The following AGAP3 variants were observed in gnomAD, a reference collection of about 807,000 sequenced individuals.
AGAP3 encodes arf-GAP with GTPase, ANK repeat and PH domain-containing protein 3.
AGAP3 carries 24 observed loss-of-function variants against 96.9 expected under a neutral mutation model. The ratio of observed to expected loss-of-function variants is 0.25; its 90% confidence interval spans 0.18 to 0.35. The LOEUF is 0.35. Ranked by LOEUF, AGAP3 falls within the 10% of genes least tolerant of loss-of-function variation. AGAP3 has a pLI of 1.00. For synonymous variants in AGAP3, 563 were observed against 536.1 expected, an observed-to-expected ratio of 1.05 and a Z score of -0.69; for missense variants, 876 against 1,254.2, an observed-to-expected ratio of 0.70 and a Z score of 4.55.
chr7:151,115,731 G>T, intron 1 of AGAP3: 1 of 845,786 alleles, frequency 1.2e-6, no homozygotes, highest in Non-Finnish European at 1.5e-6. Flanking sequence ...TGCCGCGCGC[G>T]TCCGGGGCTG....
intron 11 of AGAP3, among the ~76,000 whole-genome samples, chr7:151,136,852 C>T (rs1233899921): frequency 6.6e-6 from 1 of 152,156 alleles, no homozygotes; most frequent in African/African-American, 2.4e-5. Flanking sequence ...ACCAAGTGTG[C>T]ACCCCGGAAG....
At position 151,093,843 on chromosome 7, in the gene AGAP3, G is replaced by A. The variant is rs138207010; in HGVS notation, c.331+6771G>A. On this transcript the variant is annotated intron_variant, in intron 1 of 17. Coordinates refer to ENST00000397238, the MANE Select transcript of AGAP3 (RefSeq NM_031946.7). ...GCTGGGGCAAGTCTGCTCTGGGTGC[G>A]TCTTCTGAGAGTCACATTCTGGTTG... 3.3e-5 allele frequency among the ~76,000 whole-genome samples: 5 copies of A among 152,310 alleles called. No homozygotes were observed. In the South Asian group the frequency reaches 6.2e-4, roughly 19 times the overall value.
In AGAP3 at chr7:151,142,235, A is replaced by G. The variant is rs373275191; in HGVS notation, c.2032A>G (p.Ile678Val). The G allele has an allele frequency of 4.3e-6, 7 of 1,613,126 alleles. No individual in the cohort carries two copies. The African/African-American group carries it at 5.3e-5, about 12-fold the overall frequency. Residue 678 changes from isoleucine to valine, a missense_variant, in exon 15 of 18, where the codon ATC becomes GTC. Ile to Val is a conservative substitution (Grantham distance 29). Coordinates refer to ENST00000397238, the MANE Select transcript of AGAP3 (RefSeq NM_031946.7). The surrounding 1 kb of genome is among the most constrained non-coding windows in gnomAD (Gnocchi z 7.5). ...VRTVRGNSFCIDCDAPNPDWA... is the reference protein window; with the variant it reads ...VRTVRGNSFCVDCDAPNPDWA... ...CACCGTCCGCGGCAACAGCTTTTGT[A>G]TCGACTGCGATGCACCCAGTGAGTG...
rs192598046 is a variant in AGAP3, at chr7:151,102,941, G to T, written c.332-13852G>T. 1.3e-3 allele frequency among the ~76,000 whole-genome samples: 194 copies of T among 152,356 alleles called. 1 individual carries two copies. The highest frequency in any genetic ancestry group is 2.2e-3 in the Non-Finnish European group (149 of 68,038). ...CAAAAAATTTTTAAAAATTAGCCAG[G>T]TGTGGTGTTACACACCTGTAGTCTC... On this transcript the variant is annotated intron_variant, in intron 1 of 17. Coordinates refer to ENST00000397238, the MANE Select transcript of AGAP3 (RefSeq NM_031946.7).
At chr7:151,106,929 T>A (rs1339428019) in intron 1 of AGAP3, among the ~76,000 whole-genome samples, 1 of 152,228 alleles carries the variant, frequency 6.6e-6, no homozygotes, top group East Asian at 1.9e-4. Flanking sequence ...ACCTGCACTT[T>A]CAGCAGCTGT....
intron 1 of AGAP3, among the ~76,000 whole-genome samples, chr7:151,097,412 A>G (rs1798649194): frequency 6.6e-6 from 1 of 151,422 alleles, no homozygotes; most frequent in Non-Finnish European, 1.5e-5. Flanking sequence ...GGCACCTGTA[A>G]TTCCAGATAC....
intron 10 of AGAP3, among the ~76,000 whole-genome samples, chr7:151,130,917 A>C (rs1320576665): frequency 6.6e-6 from 1 of 152,186 alleles, no homozygotes; most frequent in Non-Finnish European, 1.5e-5. Context: ...TTCAGTTGCC[A>C]GCAATGAGCA....
In AGAP3 at chr7:151,120,055, C is replaced by T; in HGVS notation, c.1038C>T (p.Ser346=). The T allele has an allele frequency of 1.2e-6, 2 of 1,614,014 alleles. No individual in the cohort carries two copies. The highest frequency in any genetic ancestry group is 1.7e-6 in the Non-Finnish European group (2 of 1,179,932). ...SSSVPSTPSI[S]QRELRIETIA... ...CAGTCCCCTCCACCCCCAGCATCAG[C>T]CAGCGGGAGCTGCGCATCGAGACCA... Residue 346 remains serine (S), a synonymous_variant, in exon 8 of 18, where the codon AGC becomes AGT. Transcript: ENST00000397238.
At chr7:151,091,603 G>A (rs1798402501) in intron 1 of AGAP3, among the ~76,000 whole-genome samples, 1 of 152,178 alleles carries the variant, frequency 6.6e-6, no homozygotes, top group African/African-American at 2.4e-5. Flanking sequence ...AGGAGACCTA[G>A]ATTTTCAGAA....
intron 2 of AGAP3, 22 bp from the exon 3 acceptor site, chr7:151,117,073 C>A (rs1252468038): frequency 6.2e-7 from 1 of 1,610,756 alleles, no homozygotes; most frequent in South Asian, 1.1e-5. Context: ...CTCTGACCCA[C>A]TCACCCCTTC....
At chr7:151,125,764 A>G (rs1800131773) in intron 9 of AGAP3, among the ~76,000 whole-genome samples, 1 of 152,106 alleles carries the variant, frequency 6.6e-6, no homozygotes, top group Non-Finnish European at 1.5e-5. Flanking sequence ...TCCTGCTGGG[A>G]GTGGAGATTG....
At chr7:151,138,380 G>A (rs1249785022) in intron 12 of AGAP3, 67 bp downstream of exon 12, 1 of 1,501,932 alleles carries the variant, frequency 6.7e-7, no homozygotes, top group African/African-American at 1.4e-5. Flanking sequence ...GGGGAACTGG[G>A]CAGCATTCTT....
In AGAP3 at chr7:151,140,283, C is replaced by A; in HGVS notation, c.1804+167C>A. 1.3e-6 allele frequency: 1 copy of A among 765,110 alleles called. No homozygotes were observed. Among genetic ancestry groups the A allele is most frequent in the Non-Finnish European group, 1.8e-6 (1 of 556,232 alleles). The allele number at this position is 765,110 out of a possible 1,614,324, so 47.4% of individuals were successfully genotyped here. Reference sequence around the variant, plus strand: ...TACAGCTTCTTTTGGTAATCTAGACCTGGTATCTTAGAAAAGTTCTTCTGA... The same window carrying A: ...TACAGCTTCTTTTGGTAATCTAGACATGGTATCTTAGAAAAGTTCTTCTGA... On this transcript the variant is annotated intron_variant, in intron 13 of 17. Coordinates refer to ENST00000397238, the MANE Select transcript of AGAP3 (RefSeq NM_031946.7). This position sits in a 1 kb window ranked among gnomAD's most constrained non-coding sequence, Gnocchi z 5.4.
intron 9 of AGAP3, among the ~76,000 whole-genome samples, chr7:151,124,140 C>T (rs1054107261): frequency 6.6e-6 from 1 of 152,218 alleles, no homozygotes; most frequent in African/African-American, 2.4e-5. Context: ...AGCTACCTGC[C>T]GTGTTCAGCC....
rs1477971855 is a variant in AGAP3, at chr7:151,114,492, G to A, written c.332-2301G>A. ...TGGGCTGGAATTTCCTGTTTTCGAGGGCTCCCAGGGGCTGCCCCAGCAGGC... is the reference window on the plus strand; with the variant it reads ...TGGGCTGGAATTTCCTGTTTTCGAGAGCTCCCAGGGGCTGCCCCAGCAGGC... On this transcript the variant is annotated intron_variant, in intron 1 of 17. Transcript: ENST00000397238. The surrounding 1 kb of genome is among the most constrained non-coding windows in gnomAD (Gnocchi z 4.4). Among the ~76,000 whole-genome samples the A allele has an allele frequency of 6.6e-6, 1 of 152,202 alleles. No individual in the cohort carries two copies. The highest frequency in any genetic ancestry group is 6.5e-5 in the Admixed American group (1 of 15,290).
At position 151,113,541 on chromosome 7, in the gene AGAP3, A is replaced by C. The variant is rs1248177735; in HGVS notation, c.332-3252A>C. Among the ~76,000 whole-genome samples, 2 of 152,196 alleles carry C rather than the reference A, an allele frequency of 1.3e-5. 1 individual carries two copies. On this transcript the variant is annotated intron_variant, in intron 1 of 17. Transcript: ENST00000397238. ...CTCTGACCAGGTCCATGGAATTCTA[A>C]AGCTGAAAGGGACGCTGGGAGTTGG...
chr7:151,087,909 C>T (rs921109340), intron 1 of AGAP3, among the ~76,000 whole-genome samples: 1 of 152,264 alleles, frequency 6.6e-6, no homozygotes, highest in African/African-American at 2.4e-5. Flanking sequence ...GTGCTGGAGG[C>T]ACCCGCAGGC....
At position 151,139,835 on chromosome 7, in the gene AGAP3, C is replaced by T. The variant is rs2150533084; in HGVS notation, c.1667-144C>T. 2.7e-6 allele frequency: 2 copies of T among 748,254 alleles called. No individual in the cohort carries two copies. The highest frequency in any genetic ancestry group is 6.8e-5 in the East Asian group (2 of 29,526). The allele number at this position is 748,254 out of a possible 1,614,324, so 46.4% of individuals were successfully genotyped here. On this transcript the variant is annotated intron_variant, in intron 12 of 17. Transcript: ENST00000397238. The surrounding 1 kb of genome is among the most constrained non-coding windows in gnomAD (Gnocchi z 4.9). ...ACTGGGAAGCCCAGGCAGACCTCGC[C>T]TAGAGAGAGGTGTCCGTCTGGCTCT...
chr7:151,124,058 C>T (rs982847690), intron 9 of AGAP3, among the ~76,000 whole-genome samples, 172 bp downstream of exon 9: 6 of 152,194 alleles, frequency 3.9e-5, no homozygotes, highest in African/African-American at 1.4e-4. Context: ...GAGAAGCCAC[C>T]TTCTCTGCGC....
Sources: allele counts gnomAD v4.1 joint callset (sites outside exome capture counted in the v4.1 genomes callset), GRCh38; gene constraint gnomAD v4.1.1; non-coding constraint Gnocchi (gnomAD v3.1); transcripts MANE v1.5; gene names NCBI Gene and HGNC (gene_info 2026-07-23, HGNC 2026-07-21).